SIRPA: variants seen among roughly 807,000 people sequenced by gnomAD.
SIRPA encodes the protein tyrosine-protein phosphatase non-receptor type substrate 1.
SIRPA carries 9 observed loss-of-function variants against 50.3 expected under a neutral mutation model. The ratio of observed to expected loss-of-function variants is 0.18; its 90% CI spans 0.11 to 0.31. The LOEUF (loss-of-function observed/expected upper bound fraction) is 0.31, where lower values mean the gene tolerates loss of function less well. Among genes scored for constraint, SIRPA ranks in the 10% least tolerant of loss-of-function variants. SIRPA has a pLI of 1.00. For synonymous variants in SIRPA, 265 were observed against 284.1 expected (o/e 0.93, Z 0.68); for missense variants, 474 against 661.6 (o/e 0.72, Z 3.11).
At chr20:1,922,261 C>A in intron 3 of SIRPA, 52 bp from the exon 4 acceptor site, 1 of 1,610,134 alleles carries the variant, frequency 6.2e-7, no homozygotes, top group Non-Finnish European at 8.5e-7. Flanking sequence ...GGAGCCCTCC[C>A]TGTGATCTGT....
chr20:1,932,962 G>C lies in SIRPA; in HGVS notation c.1227-1753G>C, dbSNP rs1963138820. Among the ~76,000 whole-genome samples, 1 of 152,220 alleles carries C rather than the reference G, an allele frequency of 6.6e-6. No individual in the cohort carries two copies. Among genetic ancestry groups the C allele is most frequent in the African/African-American group, 2.4e-5 (1 of 41,452 alleles). On this transcript the variant is annotated intron_variant, in intron 6 of 7. Coordinates refer to ENST00000358771, the MANE Select transcript of SIRPA (RefSeq NM_001040023.2). This position sits in a 1 kb window ranked among gnomAD's most constrained non-coding sequence, Gnocchi z 6.0. ...ATTGGTTATTGTCTGAAATTGCTTTGAAAGAGAAGAACCCAATGTTTTGAG... is the reference window on the plus strand; with the variant it reads ...ATTGGTTATTGTCTGAAATTGCTTTCAAAGAGAAGAACCCAATGTTTTGAG...
At chr20:1,925,944 A>G (rs937823934) in intron 5 of SIRPA, among the ~76,000 whole-genome samples, 12 of 151,932 alleles carry the variant, frequency 7.9e-5, no homozygotes, top group Non-Finnish European at 1.5e-4. Context: ...TAAAACTGAT[A>G]TTTTCTTTTT....
chr20:1,906,945 C>G (rs547874322), intron 1 of SIRPA, among the ~76,000 whole-genome samples: 21 of 152,142 alleles, frequency 1.4e-4, no homozygotes, highest in Non-Finnish European at 2.8e-4. Flanking sequence ...AGCCTCTGAC[C>G]TGGGGAGGGA....
chr20:1,926,258 A>G (rs887509198), intron 5 of SIRPA, among the ~76,000 whole-genome samples: 1 of 152,166 alleles, frequency 6.6e-6, no homozygotes, highest in African/African-American at 2.4e-5. Context: ...GGGTTCCCTA[A>G]AGTTCCTGGA....
Position 1,934,654 on chromosome 20 carries a change from G to GCTC in SIRPA, c.1227-61_1227-60insCTC. ...TGGAGCCTAAATGTTATTCTTATCA[G>GCTC]TTTGCATGAGCACTTGAGATAGTGA... On this transcript the variant is annotated intron_variant, in intron 6 of 7. Coordinates refer to ENST00000358771, the MANE Select transcript of SIRPA (RefSeq NM_001040023.2). The surrounding 1 kb of genome is among the most constrained non-coding windows in gnomAD (Gnocchi z 4.6). 1 of 1,539,916 alleles carries GCTC rather than the reference G, an allele frequency of 6.5e-7. No individual in the cohort carries two copies. Among genetic ancestry groups the GCTC allele is most frequent in the Non-Finnish European group, 9.0e-7 (1 of 1,113,044 alleles).
chr20:1,932,688 TC>T lies in SIRPA; in HGVS notation c.1227-2026del, dbSNP rs1453636191. ...GGAAGCAGGAATAGAGGTGGGGAGA[TC>T]AAGGAGGAGGTTCTTCAGGAATCAG... is the stretch of plus-strand genomic sequence containing the variant. On this transcript the variant is annotated intron_variant, in intron 6 of 7. Coordinates refer to ENST00000358771, the MANE Select transcript of SIRPA (RefSeq NM_001040023.2). The surrounding 1 kb of genome is among the most constrained non-coding windows in gnomAD (Gnocchi z 6.0). Among the ~76,000 whole-genome samples, 2 of 151,888 alleles carry T rather than the reference TC, an allele frequency of 1.3e-5. No homozygotes were observed. Among genetic ancestry groups the T allele is most frequent in the Admixed American group, 1.3e-4 (2 of 15,240 alleles).
chr20:1,925,410 G>A (rs1019134475), intron 5 of SIRPA, among the ~76,000 whole-genome samples: 1 of 152,210 alleles, frequency 6.6e-6, no homozygotes, highest in African/African-American at 2.4e-5. Context: ...TACCCGTATT[G>A]TATGTGAGCC....
At chr20:1,930,587 AT>A (rs955721095) in intron 6 of SIRPA, among the ~76,000 whole-genome samples, 17 of 151,704 alleles carry the variant, frequency 1.1e-4, no homozygotes, top group Admixed American at 9.2e-4. Context: ...TTTTGTTGTT[AT>A]TTTTTTATTT....
At chr20:1,909,600 G>A (rs1045497514) in intron 1 of SIRPA, among the ~76,000 whole-genome samples, 2 of 152,176 alleles carry the variant, frequency 1.3e-5, no homozygotes, top group African/African-American at 4.8e-5. Context: ...TGGCCAACAT[G>A]GTGAAACTCC....
At position 1,928,066 on chromosome 20, in the gene SIRPA, T is replaced by C. The variant is rs1244419822; in HGVS notation, c.1226+167T>C. 6.6e-6 allele frequency among the ~76,000 whole-genome samples: 1 copy of C among 152,194 alleles called. No homozygotes were observed. The highest frequency in any genetic ancestry group is 1.5e-5 in the Non-Finnish European group (1 of 68,040). On this transcript the variant is annotated intron_variant, in intron 6 of 7. Coordinates refer to ENST00000358771, the MANE Select transcript of SIRPA (RefSeq NM_001040023.2). This position sits in a 1 kb window ranked among gnomAD's most constrained non-coding sequence, Gnocchi z 4.9. ...TCACACTGGGTCACGCTGTTTTTAA[T>C]TATTGTCCCAAATGAGGGGTTTTTT...
rs1055228419 is a variant in SIRPA, at chr20:1,905,323, G to A, written c.80-9776G>A. ...GAGGGGACCTGTCACAGGGAGAGGC[G>A]ATCGCATGGGGTGGCTCCAGCCTCC... On this transcript the variant is annotated intron_variant, in intron 1 of 7. Coordinates refer to ENST00000358771, the MANE Select transcript of SIRPA (RefSeq NM_001040023.2). Among the ~76,000 whole-genome samples, 3 of 152,156 alleles carry A rather than the reference G, an allele frequency of 2.0e-5. No individual in the cohort carries two copies. In the South Asian group the frequency reaches 6.2e-4, roughly 32 times the overall value.
intron 1 of SIRPA, among the ~76,000 whole-genome samples, chr20:1,905,013 C>G (rs1258050431): frequency 6.6e-6 from 1 of 152,152 alleles, no homozygotes; most frequent in East Asian, 1.9e-4. Flanking sequence ...AAAATGGAAC[C>G]GCTAACACTG....
chr20:1,926,671 T>C (rs1985997777), intron 5 of SIRPA, among the ~76,000 whole-genome samples: 1 of 152,182 alleles, frequency 6.6e-6, no homozygotes, highest in Non-Finnish European at 1.5e-5. Context: ...ATGGGTGACA[T>C]TACTAACCCC....
chr20:1,923,978 C>CTGGT (rs35923845), intron 4 of SIRPA, among the ~76,000 whole-genome samples: 11,621 of 150,116 alleles, frequency 0.077, 520 homozygotes, highest in Middle Eastern at 0.11. Flanking sequence ...AGTTGGTTGG[C>CTGGT]TGGTTGGTTG....
Position 1,911,510 on chromosome 20 carries a change from C to T in SIRPA, c.80-3589C>T, listed in dbSNP as rs75765558. 9.8e-3 allele frequency among the ~76,000 whole-genome samples: 1,498 copies of T among 152,298 alleles called. 31 individuals carry two copies. The highest frequency in any genetic ancestry group is 0.034 in the African/African-American group (1,394 of 41,542). On this transcript the variant is annotated intron_variant, in intron 1 of 7. Transcript: ENST00000358771. ...TTTTCATGGTAATGGCTTGTTACGG[C>T]TGCCTGTAATTCCACATAGGGGATA...
In SIRPA at chr20:1,915,293, A is replaced by G; in HGVS notation, c.274A>G (p.Thr92Ala). The change falls in exon 2 of 8, where the codon ACT becomes GCT. Residue 92 changes from threonine to alanine, a missense_variant. By Grantham distance (58) the Thr-to-Ala change is moderately conservative. Coordinates refer to ENST00000358771, the MANE Select transcript of SIRPA (RefSeq NM_001040023.2). ...AGAAGGCCACTTCCCCCGGGTAACA[A>G]CTGTTTCAGACCTCACAAAGAGAAA... Reference protein sequence around the residue: ...QKEGHFPRVTTVSDLTKRNNM... With the variant: ...QKEGHFPRVTAVSDLTKRNNM... 1 of 1,613,436 alleles carries G rather than the reference A, an allele frequency of 6.2e-7. No individual in the cohort carries two copies. The highest frequency in any genetic ancestry group is 8.5e-7 in the Non-Finnish European group (1 of 1,179,804).
chr20:1,906,250 A>G (rs914430844), intron 1 of SIRPA, among the ~76,000 whole-genome samples: 1 of 152,148 alleles, frequency 6.6e-6, no homozygotes. Context: ...AAATCAAAAC[A>G]TACTTTCAGC....
At chr20:1,921,031 G>A (rs756945085) in intron 2 of SIRPA, among the ~76,000 whole-genome samples, 1 of 152,230 alleles carries the variant, frequency 6.6e-6, no homozygotes, top group Non-Finnish European at 1.5e-5. Flanking sequence ...TCTGAGGTTG[G>A]CACTGTTGCC....
intron 1 of SIRPA, among the ~76,000 whole-genome samples, chr20:1,904,239 C>G (rs1460673197): frequency 6.6e-6 from 1 of 152,192 alleles, no homozygotes; most frequent in East Asian, 1.9e-4. Flanking sequence ...GAGGAGGCGG[C>G]CAAGAAACCC....
Sources: allele counts gnomAD v4.1 joint callset (sites outside exome capture counted in the v4.1 genomes callset), GRCh38; gene constraint gnomAD v4.1.1; non-coding constraint Gnocchi (gnomAD v3.1); transcripts MANE v1.5; gene names NCBI Gene and HGNC (gene_info 2026-07-23, HGNC 2026-07-21).